The following RAB31 variants were observed in gnomAD, a reference collection of about 807,000 sequenced individuals.
The protein encoded by RAB31 is RAB31, member RAS oncogene family.
Under a neutral mutation model 25.6 loss-of-function variants are expected in RAB31, and 21 were observed. The ratio of observed to expected loss-of-function variants is 0.82; its 90% CI spans 0.58 to 1.18. The LOEUF (loss-of-function observed/expected upper bound fraction) is 1.18, where lower values mean the gene tolerates loss of function less well. Among genes scored for constraint, RAB31 ranks in the 50% most tolerant of loss-of-function variants. The probability of loss-of-function intolerance (pLI) is 0.00; values close to 1 mark genes in which losing one functional copy is unlikely to be tolerated. For missense variants in RAB31, 196 were observed against 250.1 expected (o/e 0.78, Z 1.46); for synonymous variants, 87 against 84.0 (o/e 1.04, Z -0.20).
intron 1 of RAB31, among the ~76,000 whole-genome samples, chr18:9,724,183 A>G (rs1217244065): frequency 7.0e-6 from 1 of 142,812 alleles, no homozygotes. Flanking sequence ...AGGCAGGAGA[A>G]TGGCGTGAAC....
chr18:9,776,251 TC>T (rs1248388664), intron 2 of RAB31, among the ~76,000 whole-genome samples: 6 of 152,226 alleles, frequency 3.9e-5, no homozygotes, highest in African/African-American at 1.4e-4. Flanking sequence ...GCTCTGCTGT[TC>T]GGGAAGTGCC....
intron 5 of RAB31, among the ~76,000 whole-genome samples, chr18:9,843,814 C>T (rs2068746793): frequency 6.6e-6 from 1 of 152,148 alleles, no homozygotes; most frequent in South Asian, 2.1e-4. Context: ...AGGCTGGGGC[C>T]ATCGCCTTTA....
intron 5 of RAB31, among the ~76,000 whole-genome samples, chr18:9,828,599 T>G (rs1218332978): frequency 6.6e-6 from 1 of 152,204 alleles, no homozygotes; most frequent in Non-Finnish European, 1.5e-5. Context: ...TTTAACAGAT[T>G]AAAAATATAT....
intron 1 of RAB31, among the ~76,000 whole-genome samples, chr18:9,721,373 G>A (rs1209607729): frequency 2.0e-5 from 3 of 152,116 alleles, no homozygotes; most frequent in East Asian, 3.9e-4. Context: ...CAGCACTTCG[G>A]GAGGCCAAGG....
intron 3 of RAB31, among the ~76,000 whole-genome samples, chr18:9,798,570 T>G (rs2068497802): frequency 6.6e-6 from 1 of 152,184 alleles, no homozygotes; most frequent in Non-Finnish European, 1.5e-5. Flanking sequence ...CACTTTGGGT[T>G]TATGATTTGA....
At chr18:9,824,382 A>ATG (rs1317694384) in intron 5 of RAB31, among the ~76,000 whole-genome samples, 1 of 144,394 alleles carries the variant, frequency 6.9e-6, no homozygotes, top group African/African-American at 2.6e-5. Context: ...GTAGATGTGT[A>ATG]TGTGTGTGTG....
At chr18:9,724,408 A>G (rs1293147530) in intron 1 of RAB31, among the ~76,000 whole-genome samples, 5 of 151,958 alleles carry the variant, frequency 3.3e-5, no homozygotes, top group Admixed American at 1.3e-4. Context: ...TTTGCTTCTG[A>G]CTTGTTAATC....
At chr18:9,754,389 C>T (rs889254675) in intron 1 of RAB31, among the ~76,000 whole-genome samples, 8 of 152,102 alleles carry the variant, frequency 5.3e-5, no homozygotes, top group Admixed American at 1.3e-4. Context: ...AAGAGATTCT[C>T]CTGCCTCAGC....
intron 1 of RAB31, among the ~76,000 whole-genome samples, chr18:9,746,184 TTAA>T (rs1324165157): frequency 9.5e-4 from 1 of 1,056 alleles, no homozygotes; most frequent in Non-Finnish European, 1.8e-3. Context: ...AGAATAACAT[TTAA>T]CCAAATACAT....
intron 1 of RAB31, among the ~76,000 whole-genome samples, chr18:9,733,661 G>C (rs1568164869): frequency 6.6e-6 from 1 of 152,140 alleles, no homozygotes; most frequent in Non-Finnish European, 1.5e-5. Flanking sequence ...GGTGGGTGTG[G>C]ACAAGACTGC....
intron 2 of RAB31, among the ~76,000 whole-genome samples, chr18:9,776,826 A>G (rs1223209814): frequency 1.3e-5 from 2 of 152,172 alleles, no homozygotes; most frequent in Non-Finnish European, 2.9e-5. Flanking sequence ...GTCCTCAGCT[A>G]CAGAGAGAGA....
intron 1 of RAB31, among the ~76,000 whole-genome samples, chr18:9,745,563 G>C (rs1203562271): frequency 2.0e-5 from 3 of 152,156 alleles, no homozygotes; most frequent in Non-Finnish European, 2.9e-5. Flanking sequence ...GAACCCAGAA[G>C]TATATTAAAA....
intron 1 of RAB31, among the ~76,000 whole-genome samples, chr18:9,740,649 G>T (rs1185912000): frequency 6.6e-6 from 1 of 151,940 alleles, no homozygotes; most frequent in South Asian, 2.1e-4. Context: ...GGAGGTGGAG[G>T]TTGCAGTGAG....
At chr18:9,798,766 A>T (rs2068499204) in intron 3 of RAB31, among the ~76,000 whole-genome samples, 1 of 145,848 alleles carries the variant, frequency 6.9e-6, no homozygotes, top group South Asian at 2.3e-4. Flanking sequence ...CTACCAGTGT[A>T]TGCCACCATG....
At chr18:9,827,428 G>A (rs1008863161) in intron 5 of RAB31, among the ~76,000 whole-genome samples, 9 of 152,140 alleles carry the variant, frequency 5.9e-5, no homozygotes. Context: ...GAGGTGGTGG[G>A]TAATGACCTT....
chr18:9,821,732 T>C (rs1568188116), intron 5 of RAB31, among the ~76,000 whole-genome samples: 1 of 152,266 alleles, frequency 6.6e-6, no homozygotes, highest in East Asian at 1.9e-4. Context: ...GAAAATGAAA[T>C]ACTTAGGCAT....
chr18:9,818,196 A>C (rs1229164687), intron 5 of RAB31, among the ~76,000 whole-genome samples: 1 of 152,226 alleles, frequency 6.6e-6, no homozygotes, highest in African/African-American at 2.4e-5. Flanking sequence ...TTTAATTTTT[A>C]AACATTTAAT....
chr18:9,810,341 A>G lies in RAB31; in HGVS notation c.202-3679A>G, dbSNP rs576011354. On this transcript the variant is annotated intron_variant, in intron 3 of 6. Coordinates refer to ENST00000578921, the MANE Select transcript of RAB31 (RefSeq NM_006868.4). ...TTCCATCAGTCTTATTTCTGACCCC[A>G]CAGGAATTGAATTATGTCATGTTGA... 2.4e-4 allele frequency among the ~76,000 whole-genome samples: 37 copies of G among 152,310 alleles called. No individual in the cohort carries two copies. In the South Asian group the frequency reaches 7.7e-3, roughly 32 times the overall value.
At chr18:9,762,519 A>G (rs1303544127) in intron 1 of RAB31, among the ~76,000 whole-genome samples, 2 of 152,156 alleles carry the variant, frequency 1.3e-5, no homozygotes, top group Admixed American at 6.6e-5. Flanking sequence ...TGGCAAAAAG[A>G]CAGGTGCTTC....
Sources: gnomAD v4.1 joint callset for allele counts (sites outside exome capture counted in the v4.1 genomes callset) on GRCh38, gnomAD v4.1.1 for gene constraint, MANE v1.5 for transcripts, NCBI Gene and HGNC (gene_info 2026-07-23, HGNC 2026-07-21) for gene names.